SLC22A11: variants seen among roughly 807,000 people sequenced by gnomAD.
SLC22A11 encodes the protein organic anion transporter 4.
Under a neutral mutation model 49.4 loss-of-function variants are expected in SLC22A11, and 42 were observed. The observed-to-expected ratio is 0.85, with a 90% confidence interval of 0.66 to 1.10. The LOEUF (loss-of-function observed/expected upper bound fraction) is 1.10, where lower values mean the gene tolerates loss of function less well. Ranked by LOEUF, SLC22A11 falls within the 50% of genes least tolerant of loss-of-function variation. SLC22A11 has a pLI of 0.00. For synonymous variants in SLC22A11, 304 were observed against 315.8 expected (o/e 0.96, Z 0.40); for missense variants, 685 against 731.6 (o/e 0.94, Z 0.74).
chr11:64,568,509 C>A (rs1419699320), intron 7 of SLC22A11, among the ~76,000 whole-genome samples, 161 bp from the exon 8 acceptor site: 2 of 152,212 alleles, frequency 1.3e-5, no homozygotes, highest in Admixed American at 6.5e-5. Flanking sequence ...TATGCTCTGT[C>A]CCCCAACCCC....
chr11:64,565,459 T>C lies in SLC22A11; in HGVS notation c.1058+122T>C, dbSNP rs1028693407. The C allele has an allele frequency of 1.2e-6, 1 of 803,108 alleles. No individual in the cohort carries two copies. The highest frequency in any genetic ancestry group is 2.1e-6 in the Non-Finnish European group (1 of 479,834). 49.7% of individuals were successfully genotyped at this position (803,108 alleles called of 1,614,324 possible). On this transcript the variant is annotated intron_variant, in intron 6 of 9. Coordinates refer to ENST00000301891, the MANE Select transcript of SLC22A11 (RefSeq NM_018484.4). The surrounding 1 kb of genome is among the most constrained non-coding windows in gnomAD (Gnocchi z 4.1). ...CCCGCAGGCCTCAAGGGGGTGCATT[T>C]CTGTCTGGGACAGGACGCAGACAGC...
In SLC22A11 at chr11:64,571,788, C is replaced by T. The variant is rs1434449360; in HGVS notation, c.*746C>T. 1 of 152,410 alleles carries T rather than the reference C, an allele frequency of 6.6e-6. No homozygotes were observed. The highest frequency in any genetic ancestry group is 1.5e-5 in the Non-Finnish European group (1 of 68,162). The allele number at this position is 152,410 out of a possible 1,614,324, so 9.4% of individuals were successfully genotyped here. Reference sequence around the variant, plus strand: ...GGCAGCAGGTTACCACACACGTGCGCAGAGCCCACGAAGATGACGCTGCAC... The same window carrying T: ...GGCAGCAGGTTACCACACACGTGCGTAGAGCCCACGAAGATGACGCTGCAC... On this transcript the variant is annotated 3_prime_UTR_variant, in exon 10 of 10. Transcript: ENST00000301891.
At chr11:64,558,283 G>A (rs2038491497) in intron 1 of SLC22A11, among the ~76,000 whole-genome samples, 1 of 152,172 alleles carries the variant, frequency 6.6e-6, no homozygotes, top group African/African-American at 2.4e-5. Flanking sequence ...CTCATTGGAG[G>A]GTTTGGAGCA....
chr11:64,570,849 A>G, intron 9 of SLC22A11, 130 bp from the exon 10 acceptor site: 1 of 776,558 alleles, frequency 1.3e-6, no homozygotes, highest in Admixed American at 2.2e-5. Context: ...CCGCTTGGGT[A>G]CACAGAAGGG....
chr11:64,562,268 G>T lies in SLC22A11; in HGVS notation c.654G>T (p.Met218Ile). Residue 218 changes from methionine (M) to isoleucine (I), a missense_variant and splice_region_variant, in exon 4 of 10, where the codon ATG (methionine) becomes ATT (isoleucine). Coordinates refer to ENST00000301891, the MANE Select transcript of SLC22A11 (RefSeq NM_018484.4). The surrounding 1 kb of genome is among the most constrained non-coding windows in gnomAD (Gnocchi z 4.4). ...AGIFLSSLTL[M>I]VEWTTTSRRA... ...CCTGCACGTGTCTGCATCCTTCAGT[G>T]GTGGAGTGGACCACGACCAGCAGGA... 1 of 1,603,144 alleles carries T rather than the reference G, an allele frequency of 6.2e-7. No individual in the cohort carries two copies. Among genetic ancestry groups the T allele is most frequent in the Non-Finnish European group, 8.5e-7 (1 of 1,172,788 alleles).
rs143517447 is a variant in SLC22A11 at position 64,562,431 on chromosome 11, T to C, written c.817T>C (p.Ser273Pro). The change falls in exon 4 of 10, where the codon TCC becomes CCC. Residue 273 changes from serine to proline, a missense_variant. Transcript: ENST00000301891. The surrounding 1 kb of genome is among the most constrained non-coding windows in gnomAD (Gnocchi z 4.4). The part of the protein sequence containing the change: ...SVPFFAISLI[S>P]WWLPESARWL... ...GCCCTTCTTTGCCATCTCCCTGATA[T>C]CCTGGTCAGTATGATGTGGGACCTT... 1.9e-6 allele frequency: 3 copies of C among 1,578,288 alleles called. No individual in the cohort carries two copies. Among genetic ancestry groups the C allele is most frequent in the Non-Finnish European group, 2.6e-6 (3 of 1,161,196 alleles).
chr11:64,561,313 G>A (rs914097643), intron 2 of SLC22A11, among the ~76,000 whole-genome samples: 3 of 152,180 alleles, frequency 2.0e-5, no homozygotes, highest in African/African-American at 7.2e-5. Flanking sequence ...GCCCTGTGAG[G>A]CATGTCCTTA....
At chr11:64,570,104 A>G (rs1410148094) in intron 9 of SLC22A11, among the ~76,000 whole-genome samples, 1 of 152,254 alleles carries the variant, frequency 6.6e-6, no homozygotes, top group East Asian at 1.9e-4. Context: ...TCATGCAGGA[A>G]AATGTAATGG....
intron 1 of SLC22A11, 96 bp from the exon 2 acceptor site, chr11:64,559,039 T>C (rs1159439171): frequency 9.7e-7 from 1 of 1,032,598 alleles, no homozygotes. Context: ...GCACTGGGAG[T>C]CCAGGGACCC....
rs750150811 is a variant in SLC22A11 at position 64,562,195 on chromosome 11, C to T, written c.652+37C>T. The T allele has an allele frequency of 3.1e-6, 5 of 1,605,896 alleles. No individual in the cohort carries two copies. Among genetic ancestry groups the T allele is most frequent in the African/African-American group, 1.3e-5 (1 of 74,794 alleles). On this transcript the variant is annotated intron_variant, in intron 3 of 9. Transcript: ENST00000301891. This position sits in a 1 kb window ranked among gnomAD's most constrained non-coding sequence, Gnocchi z 4.4. ...GCTCAGCGCGCTCCTGCCATGGGGGCGGGGGTGGCAGGAGAGAATGGGGCT... is the reference window on the plus strand; with the variant it reads ...GCTCAGCGCGCTCCTGCCATGGGGGTGGGGGTGGCAGGAGAGAATGGGGCT...
At chr11:64,557,624 TCTC>T (rs147144936) in intron 1 of SLC22A11, among the ~76,000 whole-genome samples, 1 of 142,708 alleles carries the variant, frequency 7.0e-6, no homozygotes, top group Non-Finnish European at 1.5e-5. Context: ...GGATTTTCTT[TCTC>T]TTTTTTTTTT....
chr11:64,557,828 C>T (rs1220817442), intron 1 of SLC22A11, among the ~76,000 whole-genome samples: 2 of 145,836 alleles, frequency 1.4e-5, no homozygotes, highest in Non-Finnish European at 3.0e-5. Flanking sequence ...GACTGAGTCT[C>T]GCTCTGTTGC....
In SLC22A11 at chr11:64,562,403, A is replaced by G. The variant is rs371797963; in HGVS notation, c.789A>G (p.Ser263=). Residue 263 remains serine (S), a synonymous_variant, in exon 4 of 10, where the codon TCA becomes TCG. Coordinates refer to ENST00000301891, the MANE Select transcript of SLC22A11 (RefSeq NM_018484.4). This position sits in a 1 kb window ranked among gnomAD's most constrained non-coding sequence, Gnocchi z 4.4. ...RDWRTLQLAA[S]VPFFAISLIS... ...GGAGGACTCTCCAGCTGGCAGCATC[A>G]GTGCCCTTCTTTGCCATCTCCCTGA... 1.3e-6 allele frequency: 2 copies of G among 1,596,694 alleles called. No homozygotes were observed. The highest frequency in any genetic ancestry group is 1.7e-6 in the Non-Finnish European group (2 of 1,170,472).
In SLC22A11 at chr11:64,565,056, C is replaced by A. The variant is rs1356129108; in HGVS notation, c.943-166C>A. On this transcript the variant is annotated intron_variant, in intron 5 of 9. Transcript: ENST00000301891. The surrounding 1 kb of genome is among the most constrained non-coding windows in gnomAD (Gnocchi z 4.1). ...AGAAGAGCCAGGGCCTGGAGAGAAC[C>A]TTTTCTGCCCCATCCCCTCCCCTTC... is the stretch of plus-strand genomic sequence containing the variant. 6.6e-6 allele frequency among the ~76,000 whole-genome samples: 1 copy of A among 152,148 alleles called. No homozygotes were observed.
intron 1 of SLC22A11, among the ~76,000 whole-genome samples, 172 bp downstream of exon 1, chr11:64,556,564 T>A (rs1027926388): frequency 2.0e-5 from 3 of 152,212 alleles, no homozygotes; most frequent in Admixed American, 2.0e-4. Context: ...AGTCTACAGA[T>A]GGGGCCAGCC....
At position 64,556,402 on chromosome 11, in the gene SLC22A11, C is replaced by T; in HGVS notation, c.393+10C>T. On this transcript the variant is annotated intron_variant, in intron 1 of 9. Coordinates refer to ENST00000301891, the MANE Select transcript of SLC22A11 (RefSeq NM_018484.4). ...CACCATCGTGGCCAAGGTAGGGCCTCCCCCAGAGCCACTCGAGTCCCGTCA... is the reference window on the plus strand; with the variant it reads ...CACCATCGTGGCCAAGGTAGGGCCTTCCCCAGAGCCACTCGAGTCCCGTCA... The T allele has an allele frequency of 6.2e-7, 1 of 1,608,502 alleles. No individual in the cohort carries two copies. Among genetic ancestry groups the T allele is most frequent in the South Asian group, 1.1e-5 (1 of 91,054 alleles).
chr11:64,564,307 G>A lies in SLC22A11; in HGVS notation c.822-1G>A, dbSNP rs769443333. On this transcript the variant is annotated splice_acceptor_variant, in intron 4 of 9. Coordinates refer to ENST00000301891, the MANE Select transcript of SLC22A11 (RefSeq NM_018484.4). LOFTEE classifies it high-confidence loss of function. This position sits in a 1 kb window ranked among gnomAD's most constrained non-coding sequence, Gnocchi z 4.2. ...CCAGCTACACACCTGCCTCCTTACA[G>A]GTGGCTGCCAGAATCCGCCCGGTGG... is the stretch of plus-strand genomic sequence containing the variant. 5.6e-6 allele frequency: 9 copies of A among 1,613,924 alleles called. No individual in the cohort carries two copies. The highest frequency in any genetic ancestry group is 1.7e-6 in the Non-Finnish European group (2 of 1,180,004).
At chr11:64,561,511 T>G (rs1026756819) in intron 2 of SLC22A11, among the ~76,000 whole-genome samples, 2 of 152,176 alleles carry the variant, frequency 1.3e-5, no homozygotes, top group African/African-American at 4.8e-5. Context: ...TGCAGAGGCG[T>G]GATCATACCT....
intron 7 of SLC22A11, among the ~76,000 whole-genome samples, chr11:64,568,097 C>T (rs2038653218): frequency 6.6e-6 from 1 of 152,226 alleles, no homozygotes. Context: ...TGAGCGGGGA[C>T]GGAGGCGGCC....
Sources: gnomAD v4.1 joint callset for allele counts (sites outside exome capture counted in the v4.1 genomes callset) on GRCh38, gnomAD v4.1.1 for gene constraint, Gnocchi (gnomAD v3.1) non-coding constraint, MANE v1.5 for transcripts, NCBI Gene and HGNC (gene_info 2026-07-23, HGNC 2026-07-21) for gene names.